MICAL3: variants seen among roughly 807,000 people sequenced by gnomAD.
MICAL3 encodes the protein [F-actin]-monooxygenase MICAL3.
A neutral mutation model predicts 207.4 loss-of-function variants in MICAL3; 62 were observed. The ratio of observed to expected loss-of-function variants is 0.30; its 90% CI spans 0.24 to 0.37. MICAL3 has a LOEUF of 0.37. Ranked by LOEUF, MICAL3 falls within the 10% of genes least tolerant of loss-of-function variation. The probability of loss-of-function intolerance (pLI) is 1.00; values close to 1 mark genes in which losing one functional copy is unlikely to be tolerated. For missense variants in MICAL3, 2,368 were observed against 2,635.6 expected, an observed-to-expected ratio of 0.90 and a Z score of 2.22; for synonymous variants, 1,077 against 1,069.3, an observed-to-expected ratio of 1.01 and a Z score of -0.14.
chr22:17,946,848 T>C (rs114985737), intron 1 of MICAL3, among the ~76,000 whole-genome samples: 1,949 of 152,268 alleles, frequency 0.013, 43 homozygotes, highest in African/African-American at 0.044. Context: ...TAACCTCTGG[T>C]CTTTCCTGCC....
intron 1 of MICAL3, among the ~76,000 whole-genome samples, chr22:17,961,323 T>C (rs1223690539): frequency 6.6e-6 from 1 of 152,114 alleles, no homozygotes; most frequent in Non-Finnish European, 1.5e-5. Flanking sequence ...AGCACAAACA[T>C]AAATCTCCTT....
Position 17,790,540 on chromosome 22 carries a change from G to A in MICAL3, c.*192C>T, listed in dbSNP as rs1026853428. 1.1e-4 allele frequency: 64 copies of A among 595,192 alleles called. No homozygotes were observed. Among genetic ancestry groups the A allele is most frequent in the Non-Finnish European group, 1.5e-4 (50 of 338,104 alleles). The allele number at this position is 595,192 out of a possible 1,614,324, so 36.9% of individuals were successfully genotyped here. A position where few individuals can be genotyped will look rare whatever the true frequency, so the allele number is the denominator to read the frequency against. On this transcript the variant is annotated 3_prime_UTR_variant, in exon 32 of 32. Coordinates refer to ENST00000441493, the MANE Select transcript of MICAL3 (RefSeq NM_015241.3). ...GGGCCTCCTCCCAGGAGGTGGAGCC[G>A]TCTCAGATAACCACTGTCACCTGGG...
At chr22:17,808,352 ATC>A (rs1410097847) in intron 29 of MICAL3, among the ~76,000 whole-genome samples, 1 of 152,142 alleles carries the variant, frequency 6.6e-6, no homozygotes, top group Non-Finnish European at 1.5e-5. Flanking sequence ...CCCTCTGGAA[ATC>A]TGTGTGTGCC....
intron 20 of MICAL3, among the ~76,000 whole-genome samples, chr22:17,837,287 C>A (rs1317856999): frequency 3.9e-5 from 6 of 152,204 alleles, no homozygotes; most frequent in Non-Finnish European, 7.3e-5. Context: ...CGGCCTTCTC[C>A]CACTCGTGGT....
intron 15 of MICAL3, 33 bp from the exon 16 acceptor site, chr22:17,886,084 T>C (rs1929843906): frequency 1.9e-6 from 3 of 1,610,006 alleles, no homozygotes; most frequent in South Asian, 1.1e-5. Flanking sequence ...AACCCGGCGC[T>C]GTGACAGGAG....
Position 17,816,870 on chromosome 22 carries a change from G to A in MICAL3, c.5351-86C>T, listed in dbSNP as rs1360693298. 1.5e-5 allele frequency: 15 copies of A among 1,001,008 alleles called. 2 individuals are homozygous for A. The South Asian group carries it at 1.7e-4, about 11-fold the overall frequency. 62.0% of individuals were successfully genotyped at this position (1,001,008 alleles called of 1,614,324 possible). ...CTCCTATGCTCCCATGTGCAGCCAA[G>A]GAGGCCGGGTGGGGGGCTGGATTCA... is the stretch of plus-strand genomic sequence containing the variant. On this transcript the variant is annotated intron_variant, in intron 26 of 31. Transcript: ENST00000441493.
intron 1 of MICAL3, among the ~76,000 whole-genome samples, chr22:17,930,751 G>A (rs1347216143): frequency 6.6e-6 from 1 of 152,206 alleles, no homozygotes. Context: ...GTTAGAATTG[G>A]CCACGCCAGG....
chr22:17,984,469 C>T (rs1936063822), intron 1 of MICAL3, among the ~76,000 whole-genome samples: 1 of 152,224 alleles, frequency 6.6e-6, no homozygotes, highest in African/African-American at 2.4e-5. Flanking sequence ...AACAGGGACC[C>T]AGTGGCCTGT....
chr22:17,954,751 T>TC (rs1341957832), intron 1 of MICAL3, among the ~76,000 whole-genome samples: 2 of 83,622 alleles, frequency 2.4e-5, no homozygotes, highest in East Asian at 8.6e-4. Flanking sequence ...AGTCTTTTCC[T>TC]TTTTTTTTTT....
intron 1 of MICAL3, among the ~76,000 whole-genome samples, chr22:18,017,664 C>A (rs916153931): frequency 6.6e-6 from 1 of 151,876 alleles, no homozygotes; most frequent in Non-Finnish European, 1.5e-5. Context: ...CAGCTCACTG[C>A]AACCTCTGCC....
At chr22:17,992,923 T>C (rs1482212843) in intron 1 of MICAL3, among the ~76,000 whole-genome samples, 2 of 152,208 alleles carry the variant, frequency 1.3e-5, no homozygotes, top group Non-Finnish European at 2.9e-5. Flanking sequence ...AGAAATGATG[T>C]GTGCGCAGTC....
intron 1 of MICAL3, among the ~76,000 whole-genome samples, chr22:17,910,354 C>T (rs1009702850): frequency 3.9e-5 from 6 of 152,172 alleles, no homozygotes; most frequent in African/African-American, 1.2e-4. Context: ...AGCTGCTAAC[C>T]GCCACAAAGA....
At chr22:17,875,682 TAAAAAAAAAA>T in intron 16 of MICAL3, 2 of 169,656 alleles carry the variant, frequency 1.2e-5, no homozygotes, top group Non-Finnish European at 2.2e-5. Context: ...CCATGTATAG[TAAAAAAAAAA>T]AAAAAAAAAA....
intron 1 of MICAL3, among the ~76,000 whole-genome samples, chr22:17,928,929 G>C (rs1933068427): frequency 6.6e-6 from 1 of 152,000 alleles, no homozygotes; most frequent in Admixed American, 6.6e-5. Context: ...CAAGTAGCTG[G>C]GACTACAGGC....
chr22:17,991,172 G>A (rs1569159714), intron 1 of MICAL3, among the ~76,000 whole-genome samples: 1 of 152,178 alleles, frequency 6.6e-6, no homozygotes, highest in African/African-American at 2.4e-5. Flanking sequence ...TCCATGTGCC[G>A]CACCAACAGG....
intron 12 of MICAL3, among the ~76,000 whole-genome samples, chr22:17,890,349 C>T (rs965802621): frequency 7.9e-5 from 12 of 152,068 alleles, no homozygotes; most frequent in Admixed American, 5.9e-4. Context: ...CGCCCCTCCA[C>T]CCCCACCTGC....
Position 17,887,340 on chromosome 22 carries a change from G to A in MICAL3, c.1987C>T (p.Arg663Trp). Reference sequence around the variant, plus strand: ...CCACATACCTTGGGAGAACGCTTCCGAGAGATGGTCTGGCCAAGTTTGCTT... The same window carrying A: ...CCACATACCTTGGGAGAACGCTTCCAAGAGATGGTCTGGCCAAGTTTGCTT... ...FLSKLGQTISRKRSPKDKKEK... is the reference protein window; with the variant it reads ...FLSKLGQTISWKRSPKDKKEK... The change falls in exon 14 of 32, where the codon CGG (arginine) becomes TGG (tryptophan). Residue 663 changes from arginine (R) to tryptophan (W), a missense_variant. Physicochemically the swap from Arg to Trp is moderately radical, Grantham distance 101 (BLOSUM62 -3). Coordinates refer to ENST00000441493, the MANE Select transcript of MICAL3 (RefSeq NM_015241.3). The A allele has an allele frequency of 3.7e-6, 6 of 1,613,838 alleles. No homozygotes were observed. The highest frequency in any genetic ancestry group is 1.7e-5 in the Admixed American group (1 of 60,020).
At chr22:18,006,844 AC>A (rs1475667808) in intron 1 of MICAL3, among the ~76,000 whole-genome samples, 5 of 151,982 alleles carry the variant, frequency 3.3e-5, no homozygotes, top group Non-Finnish European at 5.9e-5. Flanking sequence ...ACACACACAC[AC>A]AAAAAAATTC....
chr22:17,818,480 G>A lies in MICAL3; in HGVS notation c.4181C>T (p.Pro1394Leu), dbSNP rs771895699. The change falls in exon 26 of 32, where the codon CCG becomes CTG. Residue 1394 changes from proline to leucine, a missense_variant. By Grantham distance (98) the Pro-to-Leu change is moderately conservative (BLOSUM62 -3). Transcript: ENST00000441493. ...TGGCAGGGACAACGGCTCGCCTTCC[G>A]GCTTTGGCAGGCCCAGCCTTTTGGG... ...SIPKRLGLPK[P>L]EGEPLSLPTP... 1.2e-4 allele frequency: 193 copies of A among 1,612,732 alleles called. No individual in the cohort carries two copies. Among genetic ancestry groups the A allele is most frequent in the Non-Finnish European group, 3.8e-5 (45 of 1,179,890 alleles).
Sources: allele counts gnomAD v4.1 joint callset (sites outside exome capture counted in the v4.1 genomes callset), GRCh38; gene constraint gnomAD v4.1.1; transcripts MANE v1.5; gene names NCBI Gene and HGNC (gene_info 2026-07-23, HGNC 2026-07-21).